The following MRPL48 variants were observed in gnomAD, a reference collection of about 807,000 sequenced individuals.
The protein encoded by MRPL48 is mitochondrial ribosomal protein L48, also known as large ribosomal subunit protein mL48.
MRPL48 carries 16 observed loss-of-function variants against 32.9 expected under a neutral mutation model. The observed-to-expected ratio is 0.49, with a 90% CI of 0.33 to 0.74. The LOEUF is 0.74. Among genes scored for constraint, MRPL48 ranks in the 30% least tolerant of loss-of-function variants. The pLI is 0.02. For missense variants in MRPL48, 206 were observed against 245.3 expected (o/e 0.84, Z 1.07); for synonymous variants, 94 against 89.2 (o/e 1.05, Z -0.31).
intron 1 of MRPL48, chr11:73,802,088 G>T (rs1221380094): frequency 6.6e-6 from 1 of 152,122 alleles, no homozygotes; most frequent in African/African-American, 2.4e-5. Context: ...TAGGAAGAGG[G>T]TTCATGACTG....
intron 3 of MRPL48, among the ~76,000 whole-genome samples, chr11:73,814,977 G>A (rs910404317): frequency 6.7e-6 from 1 of 149,936 alleles, no homozygotes; most frequent in African/African-American, 2.5e-5. Context: ...CAGGATGACA[G>A]AGCAAGACTT....
At position 73,819,587 on chromosome 11, in the gene MRPL48, C is replaced by T. The variant is rs531838843; in HGVS notation, c.113-6121C>T. Among the ~76,000 whole-genome samples the T allele has an allele frequency of 2.6e-5, 4 of 152,318 alleles. No individual in the cohort carries two copies. The South Asian group carries it at 8.3e-4, about 32-fold the overall frequency. ...CAGAAAACCATCAAAATTTTACCTT[C>T]TGTCTCATTCATTGTTGTCTTTACA... On this transcript the variant is annotated intron_variant, in intron 3 of 7. Transcript: ENST00000310614.
At chr11:73,804,546 A>T (rs1398023708) in intron 1 of MRPL48, among the ~76,000 whole-genome samples, 1 of 152,196 alleles carries the variant, frequency 6.6e-6, no homozygotes. Context: ...CTGGGATTAC[A>T]GGCATGAGCC....
chr11:73,809,503 C>CAAA (rs11317887), intron 3 of MRPL48, among the ~76,000 whole-genome samples: 3 of 102,952 alleles, frequency 2.9e-5, no homozygotes, highest in Admixed American at 1.0e-4. Context: ...GACTCCGTCT[C>CAAA]AAAAAAAAAA....
At chr11:73,798,033 A>G (rs1185447549) in intron 1 of MRPL48, among the ~76,000 whole-genome samples, 2 of 152,150 alleles carry the variant, frequency 1.3e-5, no homozygotes, top group Non-Finnish European at 2.9e-5. Context: ...TAATCAACAT[A>G]AATATGTTTA....
intron 4 of MRPL48, among the ~76,000 whole-genome samples, chr11:73,826,512 T>TC (rs1467952193): frequency 6.6e-6 from 1 of 152,160 alleles, no homozygotes; most frequent in African/African-American, 2.4e-5. Flanking sequence ...GGAGTCTCGC[T>TC]CTGTTGCCCA....
At chr11:73,850,452 C>G in intron 5 of MRPL48, 1 of 311,108 alleles carries the variant, frequency 3.2e-6, no homozygotes, top group Admixed American at 4.5e-5. Context: ...AAAAAAAAAT[C>G]TCTCTTTCTT....
intron 3 of MRPL48, among the ~76,000 whole-genome samples, chr11:73,819,249 C>T (rs1947731068): frequency 6.6e-6 from 1 of 152,206 alleles, no homozygotes; most frequent in Admixed American, 6.5e-5. Flanking sequence ...AGGAATTGCT[C>T]CAAACTGAAT....
At chr11:73,818,713 C>T (rs1947719403) in intron 3 of MRPL48, among the ~76,000 whole-genome samples, 1 of 152,212 alleles carries the variant, frequency 6.6e-6, no homozygotes, top group Non-Finnish European at 1.5e-5. Flanking sequence ...TCCCTACCTG[C>T]ATAGCCCTGT....
chr11:73,851,403 T>TTTAA (rs1367804628), intron 5 of MRPL48, among the ~76,000 whole-genome samples: 8 of 152,228 alleles, frequency 5.3e-5, no homozygotes, highest in African/African-American at 1.9e-4. Context: ...AATTTGAACT[T>TTTAA]TTAAACCTTT....
At chr11:73,811,273 T>G (rs764802748) in intron 3 of MRPL48, among the ~76,000 whole-genome samples, 7 of 152,064 alleles carry the variant, frequency 4.6e-5, no homozygotes, top group Non-Finnish European at 7.4e-5. Context: ...GGGAGGGTAG[T>G]CTAGGTAGGT....
At chr11:73,838,123 A>T (rs1948135191) in intron 4 of MRPL48, among the ~76,000 whole-genome samples, 3 of 152,302 alleles carry the variant, frequency 2.0e-5, no homozygotes, top group African/African-American at 7.2e-5. Context: ...AAGTGCTGGG[A>T]TTACAGGCAT....
intron 5 of MRPL48, among the ~76,000 whole-genome samples, chr11:73,849,608 G>C (rs1345925113): frequency 6.6e-6 from 1 of 152,192 alleles, no homozygotes; most frequent in East Asian, 1.9e-4. Context: ...TTGTTGCTGA[G>C]TAGCGTTTCA....
intron 1 of MRPL48, among the ~76,000 whole-genome samples, chr11:73,790,373 C>A (rs1362630429): frequency 8.2e-5 from 8 of 97,320 alleles, no homozygotes; most frequent in African/African-American, 3.6e-4. Context: ...CCGCACCCGG[C>A]CTTTTTTTTT....
At chr11:73,807,750 G>C (rs542813296) in intron 2 of MRPL48, among the ~76,000 whole-genome samples, 1 of 147,278 alleles carries the variant, frequency 6.8e-6, no homozygotes, top group African/African-American at 2.5e-5. Flanking sequence ...TGATTCTCCT[G>C]CCTCAGCCTC....
intron 1 of MRPL48, among the ~76,000 whole-genome samples, chr11:73,797,868 T>TGA: frequency 6.6e-6 from 1 of 152,116 alleles, no homozygotes; most frequent in South Asian, 2.1e-4. Context: ...ACTCCAAAAA[T>TGA]CCCGTAACAA....
At chr11:73,852,144 A>G (rs924587554) in intron 5 of MRPL48, among the ~76,000 whole-genome samples, 1 of 152,122 alleles carries the variant, frequency 6.6e-6, no homozygotes, top group African/African-American at 2.4e-5. Context: ...TCATTAGGAG[A>G]GTCTTGATAT....
intron 1 of MRPL48, among the ~76,000 whole-genome samples, chr11:73,795,801 C>A (rs566780128): frequency 6.6e-6 from 1 of 152,082 alleles, no homozygotes; most frequent in East Asian, 1.9e-4. Flanking sequence ...CCACTGCACC[C>A]GGCTTATTCA....
chr11:73,799,526 A>G (rs1947318043), intron 1 of MRPL48, among the ~76,000 whole-genome samples: 1 of 152,192 alleles, frequency 6.6e-6, no homozygotes, highest in Non-Finnish European at 1.5e-5. Context: ...TGTGTGCATT[A>G]GGCATGTTAA....
Sources: allele counts gnomAD v4.1 joint callset (sites outside exome capture counted in the v4.1 genomes callset), GRCh38; gene constraint gnomAD v4.1.1; transcripts MANE v1.5; gene names NCBI Gene and HGNC (gene_info 2026-07-23, HGNC 2026-07-21).